The following EPHA3 variants were observed in gnomAD, a reference collection of about 807,000 sequenced individuals.
The protein encoded by EPHA3 is EPH receptor A3.
A neutral mutation model predicts 107.1 loss-of-function variants in EPHA3; 42 were observed. That is an observed-to-expected ratio of 0.39 (90% confidence interval 0.31 to 0.51). The LOEUF (loss-of-function observed/expected upper bound fraction) is 0.51. EPHA3 is among the 20% of genes least tolerant of loss of function. The pLI is 0.78. For missense variants in EPHA3, 1,183 were observed against 1,211.2 expected, an observed-to-expected ratio of 0.98 and a Z score of 0.35; for synonymous variants, 461 against 424.8, an observed-to-expected ratio of 1.09 and a Z score of -1.05.
At chr3:89,317,658 C>A (rs1332541596) in intron 3 of EPHA3, among the ~76,000 whole-genome samples, 1 of 151,726 alleles carries the variant, frequency 6.6e-6, no homozygotes, top group Non-Finnish European at 1.5e-5. Flanking sequence ...AAACCTTCCT[C>A]ATTTCCTGCC....
chr3:89,390,320 C>T (rs1002326964), intron 5 of EPHA3, among the ~76,000 whole-genome samples: 13 of 151,928 alleles, frequency 8.6e-5, no homozygotes, highest in Admixed American at 3.3e-4. Context: ...GTACTTTGGC[C>T]GGGTGTGGTG....
intron 3 of EPHA3, among the ~76,000 whole-genome samples, chr3:89,322,918 G>A (rs1707076815): frequency 6.6e-6 from 1 of 151,978 alleles, no homozygotes; most frequent in African/African-American, 2.4e-5. Context: ...AAATCTCTAG[G>A]CTCATAAAGT....
chr3:89,219,688 G>GTGTTTTTTTTTGTTGTT, intron 3 of EPHA3, among the ~76,000 whole-genome samples: 1 of 34,440 alleles, frequency 2.9e-5, no homozygotes, highest in Non-Finnish European at 5.2e-5. Context: ...ATTTGGCAAT[G>GTGTTTTTTTTTGTTGTT]TTTTTTTTTT....
intron 3 of EPHA3, among the ~76,000 whole-genome samples, chr3:89,217,013 A>G (rs1472745117): frequency 2.6e-5 from 4 of 152,124 alleles, no homozygotes; most frequent in African/African-American, 7.2e-5. Flanking sequence ...TGCTTTGTCA[A>G]TGCAGATTCA....
chr3:89,141,263 G>T (rs1704426534), intron 2 of EPHA3, among the ~76,000 whole-genome samples: 1 of 151,484 alleles, frequency 6.6e-6, no homozygotes, highest in South Asian at 2.1e-4. Context: ...ATGAAGTCTG[G>T]GAATTAGGAT....
In EPHA3 at chr3:89,399,738, T is replaced by TG. The variant is rs562459635; in HGVS notation, c.1594+258_1594+259insG. The TG allele has an allele frequency of 3.2e-4, 375 of 1,186,504 alleles. 1 individual carries two copies. The highest frequency in any genetic ancestry group is 7.6e-4 in the South Asian group (19 of 25,090). 73.5% of individuals were successfully genotyped at this position (1,186,504 alleles called of 1,614,324 possible). A position where few individuals can be genotyped will look rare whatever the true frequency, so the allele number is the denominator to read the frequency against. On this transcript the variant is annotated intron_variant, in intron 7 of 16. Coordinates refer to ENST00000336596, the MANE Select transcript of EPHA3 (RefSeq NM_005233.6). The stretch of plus-strand genomic sequence containing the variant: ...CTGAAATGCTTCTGTTTTTTTTTTT[T>TG]AGCCATAAATTGCTTTTGAGGAACA...
At chr3:89,445,173 C>T (rs566470012) in intron 13 of EPHA3, among the ~76,000 whole-genome samples, 253 of 152,186 alleles carry the variant, frequency 1.7e-3, no homozygotes, top group African/African-American at 5.8e-3. Context: ...GGCTGAGGCA[C>T]AAGAATTGCT....
chr3:89,322,593 G>C (rs1707069787), intron 3 of EPHA3, among the ~76,000 whole-genome samples: 3 of 152,098 alleles, frequency 2.0e-5, no homozygotes, highest in Admixed American at 1.3e-4. Flanking sequence ...GCCAGGTTTG[G>C]AAGTGTTTGC....
rs545326446 is a variant in EPHA3 at position 89,480,704 on chromosome 3, T to C, written c.*1202T>C. ...AACTTGCTGAGCTGTTTATAGAGAA[T>C]GATGATAACAGAACTTTTCCTCTGT... is the stretch of plus-strand genomic sequence containing the variant. On this transcript the variant is annotated 3_prime_UTR_variant, in exon 17 of 17. Coordinates refer to ENST00000336596, the MANE Select transcript of EPHA3 (RefSeq NM_005233.6). 2.6e-5 allele frequency: 6 copies of C among 232,672 alleles called. No homozygotes were observed. Among genetic ancestry groups the C allele is most frequent in the South Asian group, 3.6e-4 (2 of 5,524 alleles). 14.4% of individuals were successfully genotyped at this position (232,672 alleles called of 1,614,324 possible). A position where few individuals can be genotyped will look rare whatever the true frequency, so the allele number is the denominator to read the frequency against.
chr3:89,399,599 C>A, intron 7 of EPHA3, 119 bp downstream of exon 7: 1 of 1,439,528 alleles, frequency 6.9e-7, no homozygotes, highest in Non-Finnish European at 9.2e-7. Context: ...AGGTATATTG[C>A]TTGGGACATT....
At chr3:89,259,524 A>G (rs1445306634) in intron 3 of EPHA3, among the ~76,000 whole-genome samples, 1 of 152,222 alleles carries the variant, frequency 6.6e-6, no homozygotes, top group Admixed American at 6.5e-5. Context: ...GGGGCATGCC[A>G]TATTTCAAGA....
chr3:89,425,765 C>CTT lies in EPHA3; in HGVS notation c.2075-3340_2075-3339insTT, dbSNP rs140283763. ...TGTATATATTTCACATTATTCTACT[C>CTT]TATAAGAAATGTGATTGAGAAGGTT... On this transcript the variant is annotated intron_variant, in intron 11 of 16. Coordinates refer to ENST00000336596, the MANE Select transcript of EPHA3 (RefSeq NM_005233.6). Among the ~76,000 whole-genome samples the CTT allele has an allele frequency of 9.7e-3, 1,466 of 151,544 alleles. 26 individuals carry two copies. Among genetic ancestry groups the CTT allele is most frequent in the African/African-American group, 0.034 (1,402 of 41,434 alleles).
In EPHA3 at chr3:89,431,150, A is replaced by G. The variant is rs757725021; in HGVS notation, c.2137A>G (p.Lys713Glu). 6.2e-7 allele frequency: 1 copy of G among 1,613,004 alleles called. No individual in the cohort carries two copies. ...ENGSLDSFLRKHDAQFTVIQL... is the reference protein window; with the variant it reads ...ENGSLDSFLREHDAQFTVIQL... ...ATTGTACATTTGAAATGCTTCCCAG[A>G]AACACGATGCCCAGTTTACTGTCAT... is the stretch of plus-strand genomic sequence containing the variant. The change falls in exon 13 of 17, where the codon AAA becomes GAA. Residue 713 changes from lysine (K) to glutamate (E), a missense_variant and splice_region_variant. Lys to Glu is a moderately conservative substitution (Grantham distance 56). Transcript: ENST00000336596.
At chr3:89,293,168 T>A (rs1706257253) in intron 3 of EPHA3, among the ~76,000 whole-genome samples, 1 of 152,112 alleles carries the variant, frequency 6.6e-6, no homozygotes, top group Non-Finnish European at 1.5e-5. Context: ...TATTTAAAGG[T>A]TTTGTCCTTT....
chr3:89,374,251 A>T (rs1708358986), intron 5 of EPHA3, among the ~76,000 whole-genome samples: 1 of 151,972 alleles, frequency 6.6e-6, no homozygotes, highest in Non-Finnish European at 1.5e-5. Context: ...CATTTTTAAG[A>T]GGAATTAAAT....
chr3:89,455,532 G>A (rs1710079351), intron 15 of EPHA3, among the ~76,000 whole-genome samples: 1 of 152,164 alleles, frequency 6.6e-6, no homozygotes, highest in Non-Finnish European at 1.5e-5. Flanking sequence ...AATTCATTAG[G>A]CATCTGAACC....
intron 3 of EPHA3, among the ~76,000 whole-genome samples, chr3:89,312,408 A>G (rs369276204): frequency 1.3e-4 from 20 of 151,442 alleles, no homozygotes; most frequent in African/African-American, 4.8e-4. Flanking sequence ...CTACATACAC[A>G]GTCATGGTTT....
At chr3:89,335,484 A>G (rs1305195723) in intron 3 of EPHA3, among the ~76,000 whole-genome samples, 1 of 152,170 alleles carries the variant, frequency 6.6e-6, no homozygotes, top group East Asian at 1.9e-4. Context: ...TGTCTAGGTC[A>G]TTTTAGGAAA....
rs1421065618 is a variant in EPHA3 at position 89,480,912 on chromosome 3, TC to T, written c.*1411del. On this transcript the variant is annotated 3_prime_UTR_variant, in exon 17 of 17. Transcript: ENST00000336596. ...AATAGTTGGTCATCTAGCAACCGCC[TC>T]AAAATGTGTAAGCAGGAGAGAAATT... 4.3e-6 allele frequency: 1 copy of T among 231,798 alleles called. No homozygotes were observed. The highest frequency in any genetic ancestry group is 8.5e-6 in the Non-Finnish European group (1 of 117,016). 14.4% of individuals were successfully genotyped at this position (231,798 alleles called of 1,614,324 possible). A position where few individuals can be genotyped will look rare whatever the true frequency, so the allele number is the denominator to read the frequency against.
Sources: allele counts gnomAD v4.1 joint callset (sites outside exome capture counted in the v4.1 genomes callset), GRCh38; gene constraint gnomAD v4.1.1; transcripts MANE v1.5; gene names NCBI Gene and HGNC (gene_info 2026-07-23, HGNC 2026-07-21).